POU2AF2: variants seen among roughly 807,000 people sequenced by gnomAD.
The protein encoded by POU2AF2 is POU class 2 homeobox associating factor 2, also known as POU domain class 2-associating factor 2.
At chr11:111,248,986 T>C in the POU2AF2 span, among the ~76,000 whole-genome samples, 1 of 152,206 alleles carries the variant, frequency 6.6e-6, no homozygotes, top group Non-Finnish European at 1.5e-5. Context: ...TTAAAGTAAA[T>C]GAGAAGGAGA....
the POU2AF2 span, among the ~76,000 whole-genome samples, chr11:111,275,425 T>C: frequency 6.6e-6 from 1 of 152,184 alleles, no homozygotes; most frequent in East Asian, 1.9e-4. Flanking sequence ...AGGACAGGTG[T>C]CCAATTGGCT....
chr11:111,249,330 G>A, the POU2AF2 span, among the ~76,000 whole-genome samples: 1 of 152,074 alleles, frequency 6.6e-6, no homozygotes, highest in Non-Finnish European at 1.5e-5. Context: ...AAAGAAGGTG[G>A]GAGGTAGGAT....
At chr11:111,254,052 T>C in the POU2AF2 span, among the ~76,000 whole-genome samples, 1 of 152,224 alleles carries the variant, frequency 6.6e-6, no homozygotes, top group African/African-American at 2.4e-5. Context: ...TATTTTAAAG[T>C]ATTTCTCTCC....
At chr11:111,246,146 A>G in the POU2AF2 span, among the ~76,000 whole-genome samples, 2 of 152,248 alleles carry the variant, frequency 1.3e-5, no homozygotes, top group Admixed American at 6.5e-5. Flanking sequence ...CATTATTTTC[A>G]TAAAATAAGT....
the POU2AF2 span, among the ~76,000 whole-genome samples, chr11:111,274,374 G>T: frequency 1.5e-4 from 23 of 152,132 alleles, no homozygotes; most frequent in Non-Finnish European, 2.5e-4. Flanking sequence ...CTAGTCTGAT[G>T]AAAATGTTTT....
chr11:111,271,856 CA>C, the POU2AF2 span, among the ~76,000 whole-genome samples: 188 of 145,040 alleles, frequency 1.3e-3, no homozygotes, highest in African/African-American at 2.9e-3. Context: ...CTACTAAATA[CA>C]AAAAAAAAAA....
the POU2AF2 span, among the ~76,000 whole-genome samples, chr11:111,270,788 C>T: frequency 2.6e-5 from 4 of 152,146 alleles, no homozygotes; most frequent in African/African-American, 9.7e-5. Flanking sequence ...TCCTCAGCAC[C>T]TATGGGAGAG....
At chr11:111,272,454 T>C in the POU2AF2 span, among the ~76,000 whole-genome samples, 1 of 152,252 alleles carries the variant, frequency 6.6e-6, no homozygotes. Context: ...GGTGATGATC[T>C]AATGAAATAA....
the POU2AF2 span, among the ~76,000 whole-genome samples, chr11:111,281,733 T>C: frequency 1.3e-5 from 2 of 152,232 alleles, no homozygotes; most frequent in Admixed American, 6.5e-5. Flanking sequence ...CATGATCTGA[T>C]AGATGAGGCA....
the POU2AF2 span, chr11:111,284,206 C>T: frequency 3.7e-5 from 60 of 1,614,226 alleles, no homozygotes; most frequent in African/African-American, 7.6e-4. Context: ...CCTGTGAGTC[C>T]TCCGCAGGGC....
the POU2AF2 span, among the ~76,000 whole-genome samples, chr11:111,271,130 C>G: frequency 6.6e-6 from 1 of 152,110 alleles, no homozygotes; most frequent in Non-Finnish European, 1.5e-5. Flanking sequence ...TGAGACCAGC[C>G]TGGCCAACAT....
At chr11:111,256,938 T>A in the POU2AF2 span, among the ~76,000 whole-genome samples, 1 of 152,206 alleles carries the variant, frequency 6.6e-6, no homozygotes, top group Non-Finnish European at 1.5e-5. Flanking sequence ...ATGTTCTGAG[T>A]CTAAAATCTT....
At chr11:111,247,672 A>G in the POU2AF2 span, among the ~76,000 whole-genome samples, 2 of 151,596 alleles carry the variant, frequency 1.3e-5, no homozygotes, top group Non-Finnish European at 2.9e-5. Flanking sequence ...CTATAGTACC[A>G]GCTACTCGGG....
At chr11:111,249,085 C>T in the POU2AF2 span, among the ~76,000 whole-genome samples, 1 of 152,124 alleles carries the variant, frequency 6.6e-6, no homozygotes, top group African/African-American at 2.4e-5. Flanking sequence ...CAGGATGAGT[C>T]GATTCCTATT....
the POU2AF2 span, chr11:111,285,656 G>T: frequency 6.2e-7 from 1 of 1,611,144 alleles, no homozygotes; most frequent in Non-Finnish European, 8.5e-7. Context: ...TCCTCAGAGG[G>T]ACTCATGGGA....
chr11:111,267,751 G>T, the POU2AF2 span, among the ~76,000 whole-genome samples: 2 of 152,110 alleles, frequency 1.3e-5, no homozygotes, highest in African/African-American at 4.8e-5. Flanking sequence ...GTGGTGTCTG[G>T]AATTCTCTCA....
the POU2AF2 span, among the ~76,000 whole-genome samples, chr11:111,277,880 G>A: frequency 1.3e-5 from 2 of 152,212 alleles, no homozygotes; most frequent in Non-Finnish European, 2.9e-5. Context: ...CCACACCACA[G>A]AGCTGAAAAT....
At chr11:111,266,673 C>A in the POU2AF2 span, among the ~76,000 whole-genome samples, 6 of 152,176 alleles carry the variant, frequency 3.9e-5, no homozygotes, top group Non-Finnish European at 8.8e-5. Context: ...TCACTTACCA[C>A]TGGGCTCTGA....
chr11:111,270,633 G>A, the POU2AF2 span, among the ~76,000 whole-genome samples: 9 of 152,124 alleles, frequency 5.9e-5, no homozygotes, highest in African/African-American at 2.2e-4. Flanking sequence ...TAAAAAGTAG[G>A]GTTTTTTTAT....
Sources: gnomAD v4.1 joint callset for allele counts (sites outside exome capture counted in the v4.1 genomes callset) on GRCh38, gnomAD v4.1.1 for gene constraint, MANE v1.5 for transcripts, NCBI Gene and HGNC (gene_info 2026-07-23, HGNC 2026-07-21) for gene names.